The following CDYL variants were observed in gnomAD, a reference collection of about 807,000 sequenced individuals.
CDYL encodes chromodomain Y like, also known as chromodomain Y-like protein.
A neutral mutation model predicts 47.3 loss-of-function variants in CDYL; 8 were observed. The observed-to-expected ratio is 0.17, with a 90% CI of 0.10 to 0.31. The LOEUF (loss-of-function observed/expected upper bound fraction) is 0.31, where lower values mean the gene tolerates loss of function less well. CDYL is among the 10% of genes least tolerant of loss of function. The pLI, the probability that CDYL is intolerant of heterozygous loss-of-function variation, is 1.00. For synonymous variants in CDYL, 266 were observed against 265.0 expected, an observed-to-expected ratio of 1.00 and a Z score of -0.04; for missense variants, 471 against 701.4, an observed-to-expected ratio of 0.67 and a Z score of 3.71.
At chr6:4,719,928 T>G (rs1175834234) in intron 2 of CDYL, among the ~76,000 whole-genome samples, 1 of 152,228 alleles carries the variant, frequency 6.6e-6, no homozygotes, top group African/African-American at 2.4e-5. Flanking sequence ...ATCCCCACTG[T>G]GTACAACAAA....
At chr6:4,878,559 A>G (rs1325581960) in intron 1 of CDYL, among the ~76,000 whole-genome samples, 1 of 152,032 alleles carries the variant, frequency 6.6e-6, no homozygotes, top group Non-Finnish European at 1.5e-5. Context: ...TACTTTTACG[A>G]TGATGAATTT....
chr6:4,739,769 G>A (rs575456917), intron 3 of CDYL, among the ~76,000 whole-genome samples: 4 of 151,824 alleles, frequency 2.6e-5, no homozygotes, highest in South Asian at 2.1e-4. Flanking sequence ...CCTGATCAAC[G>A]TGGAGAAACC....
intron 3 of CDYL, among the ~76,000 whole-genome samples, chr6:4,770,801 T>C (rs933813445): frequency 2.0e-5 from 3 of 152,232 alleles, no homozygotes; most frequent in Non-Finnish European, 4.4e-5. Context: ...AGAAAATTGC[T>C]GTGCACTACA....
intron 2 of CDYL, chr6:4,724,644 A>G (rs1757458207): frequency 6.6e-6 from 1 of 152,186 alleles, no homozygotes; most frequent in Non-Finnish European, 1.5e-5. Flanking sequence ...TGGCTTCAAA[A>G]GTGAAGCTGC....
At chr6:4,819,162 C>CTCTCTCTGTG (rs1016051589) in intron 1 of CDYL, among the ~76,000 whole-genome samples, 6 of 112,000 alleles carry the variant, frequency 5.4e-5, no homozygotes, top group East Asian at 2.2e-4. Context: ...CTCTCTCTCT[C>CTCTCTCTGTG]TGTGTGTGTG....
chr6:4,765,568 G>A (rs531464113), intron 3 of CDYL, among the ~76,000 whole-genome samples: 9 of 143,536 alleles, frequency 6.3e-5, no homozygotes, highest in South Asian at 4.4e-4. Flanking sequence ...TTTGTTTCCC[G>A]TTTTTTTTTT....
In CDYL at chr6:4,929,283, T is replaced by C. The variant is rs368259605; in HGVS notation, c.692-6232T>C. Among the ~76,000 whole-genome samples, 9 of 152,294 alleles carry C rather than the reference T, an allele frequency of 5.9e-5. No individual in the cohort carries two copies. In the East Asian group the frequency reaches 1.3e-3, roughly 23 times the overall value. On this transcript the variant is annotated intron_variant, in intron 2 of 6. Coordinates refer to ENST00000397588, the MANE Select transcript of CDYL (RefSeq NM_004824.4). The stretch of plus-strand genomic sequence containing the variant: ...TGCCATTCCATTTTCTTCTGTCTTG[T>C]ATACTTTCTGAATGTAAGTATTGAG...
intron 1 of CDYL, among the ~76,000 whole-genome samples, chr6:4,846,353 A>G (rs1561666840): frequency 6.6e-6 from 1 of 152,218 alleles, no homozygotes; most frequent in Non-Finnish European, 1.5e-5. Context: ...TACTTATTAA[A>G]TCTGCATTTT....
At chr6:4,720,627 C>T (rs1423325906) in intron 2 of CDYL, among the ~76,000 whole-genome samples, 1 of 152,164 alleles carries the variant, frequency 6.6e-6, no homozygotes, top group Non-Finnish European at 1.5e-5. Context: ...ACCAATATTA[C>T]TAATTTGTTT....
chr6:4,754,990 T>C (rs1758052855), intron 3 of CDYL, among the ~76,000 whole-genome samples: 1 of 152,156 alleles, frequency 6.6e-6, no homozygotes, highest in Non-Finnish European at 1.5e-5. Context: ...ATCCTCTTTC[T>C]TTTAGTTCTC....
chr6:4,841,880 T>C (rs1016224146), intron 1 of CDYL, among the ~76,000 whole-genome samples: 1 of 151,032 alleles, frequency 6.6e-6, no homozygotes, highest in Non-Finnish European at 1.5e-5. Flanking sequence ...AGTTGTTGGA[T>C]AAAATGTTCT....
At chr6:4,921,502 G>A (rs1048517575) in intron 2 of CDYL, among the ~76,000 whole-genome samples, 3 of 152,106 alleles carry the variant, frequency 2.0e-5, no homozygotes, top group South Asian at 2.1e-4. Context: ...AAGCTGGCTC[G>A]GAACACATTT....
chr6:4,805,091 T>C (rs1759332980), intron 1 of CDYL, among the ~76,000 whole-genome samples: 1 of 152,214 alleles, frequency 6.6e-6, no homozygotes, highest in African/African-American at 2.4e-5. Flanking sequence ...TAGATGGTGC[T>C]TTTGAATAGG....
chr6:4,942,844 ACCCTCCAG>A (rs953555758), intron 4 of CDYL, among the ~76,000 whole-genome samples: 2 of 152,112 alleles, frequency 1.3e-5, no homozygotes, highest in African/African-American at 2.4e-5. Flanking sequence ...CTGCAGCCGT[ACCCTCCAG>A]CCCTCAGTGG....
At chr6:4,940,383 GT>G (rs1270962128) in intron 4 of CDYL, among the ~76,000 whole-genome samples, 11 of 152,262 alleles carry the variant, frequency 7.2e-5, no homozygotes, top group Admixed American at 6.5e-4. Flanking sequence ...TAATTTTTAT[GT>G]GGATAAAAGC....
intron 3 of CDYL, among the ~76,000 whole-genome samples, chr6:4,741,857 C>T (rs974188034): frequency 1.1e-4 from 16 of 152,186 alleles, no homozygotes; most frequent in Admixed American, 7.9e-4. Context: ...GAATACTCTT[C>T]TGCCCCTGTG....
chr6:4,822,722 C>T (rs191203462), intron 1 of CDYL, among the ~76,000 whole-genome samples: 2 of 152,272 alleles, frequency 1.3e-5, no homozygotes, highest in Non-Finnish European at 2.9e-5. Flanking sequence ...AACCCTATTT[C>T]ATGTGTTTTC....
chr6:4,936,652 G>A (rs181604013), intron 3 of CDYL, among the ~76,000 whole-genome samples: 5 of 152,204 alleles, frequency 3.3e-5, no homozygotes, highest in African/African-American at 4.8e-5. Flanking sequence ...TGGACTTAAC[G>A]CACTTACGCA....
intron 1 of CDYL, among the ~76,000 whole-genome samples, chr6:4,846,103 G>T (rs1760647930): frequency 6.6e-6 from 1 of 150,612 alleles, no homozygotes; most frequent in Admixed American, 6.6e-5. Flanking sequence ...ACTTTAGAAA[G>T]AAATGTGAAT....
Sources: gnomAD v4.1 joint callset for allele counts (sites outside exome capture counted in the v4.1 genomes callset) on GRCh38, gnomAD v4.1.1 for gene constraint, MANE v1.5 for transcripts, NCBI Gene and HGNC (gene_info 2026-07-23, HGNC 2026-07-21) for gene names.